The following ANKIB1 variants were observed in gnomAD, a reference collection of about 807,000 sequenced individuals.
The protein encoded by ANKIB1 is ankyrin repeat and IBR domain-containing protein 1.
ANKIB1 carries 43 observed loss-of-function variants against 122.1 expected under a neutral mutation model. The ratio of observed to expected loss-of-function variants is 0.35; its 90% confidence interval spans 0.28 to 0.45. The LOEUF is 0.45. Among genes scored for constraint, ANKIB1 ranks in the 20% least tolerant of loss-of-function variants. The probability of loss-of-function intolerance (pLI) is 1.00; values close to 1 mark genes in which losing one functional copy is unlikely to be tolerated. For synonymous variants in ANKIB1, 390 were observed against 442.0 expected (o/e 0.88, Z 1.48); for missense variants, 992 against 1,329.5 (o/e 0.75, Z 3.95).
chr7:92,246,391 A>G lies in ANKIB1; in HGVS notation c.-219A>G. The G allele has an allele frequency of 2.1e-6, 1 of 479,128 alleles. No individual in the cohort carries two copies. The allele number at this position is 479,128 out of a possible 1,614,324, so 29.7% of individuals were successfully genotyped here. On this transcript the variant is annotated 5_prime_UTR_variant, in exon 1 of 20. Coordinates refer to ENST00000265742, the MANE Select transcript of ANKIB1 (RefSeq NM_019004.2). ...CACCCGGGCCGGCGAGGAAGGGGCAACCGTCCGGGTGGGTGGGGCGGGCTG... is the reference window on the plus strand; with the variant it reads ...CACCCGGGCCGGCGAGGAAGGGGCAGCCGTCCGGGTGGGTGGGGCGGGCTG...
Position 92,343,138 on chromosome 7 carries a change from C to T in ANKIB1, c.902C>T (p.Thr301Met), listed in dbSNP as rs777436339. The T allele has an allele frequency of 6.2e-6, 10 of 1,613,878 alleles. No homozygotes were observed. Among genetic ancestry groups the T allele is most frequent in the Admixed American group, 1.7e-5 (1 of 60,018 alleles). The part of the protein sequence containing the change: ...PPPSGYNAWD[T>M]LPSPRTPRTT... ...CCAAGTGGGTATAATGCCTGGGACA[C>T]GCTCCCATCTCCAAGAACTCCAAGG... The change falls in exon 6 of 20, where the codon ACG (threonine) becomes ATG (methionine). Residue 301 changes from threonine to methionine, a missense_variant. Physicochemically the swap from Thr to Met is moderately conservative, Grantham distance 81. Coordinates refer to ENST00000265742, the MANE Select transcript of ANKIB1 (RefSeq NM_019004.2).
chr7:92,338,930 AAAAATATAT>A (rs1803362534), intron 5 of ANKIB1, among the ~76,000 whole-genome samples: 1 of 37,172 alleles, frequency 2.7e-5, no homozygotes, highest in Non-Finnish European at 5.6e-5. Flanking sequence ...AAAAAAAAAA[AAAAATATAT>A]ATATATATAT....
intron 10 of ANKIB1, among the ~76,000 whole-genome samples, chr7:92,364,262 G>T (rs989676449): frequency 2.2e-4 from 28 of 127,996 alleles, no homozygotes; most frequent in Non-Finnish European, 9.4e-5. Flanking sequence ...GCATTGAGCT[G>T]AATTGCCCCA....
intron 3 of ANKIB1, among the ~76,000 whole-genome samples, chr7:92,310,007 CATTGCTT>C (rs1802659268): frequency 6.9e-6 from 1 of 144,930 alleles, no homozygotes; most frequent in Non-Finnish European, 1.5e-5. Context: ...TCTCTATAAG[CATTGCTT>C]TAGTAGTTGT....
chr7:92,344,273 C>T lies in ANKIB1; in HGVS notation c.997-705C>T, dbSNP rs1453259646. 6.5e-5 allele frequency among the ~76,000 whole-genome samples: 9 copies of T among 137,448 alleles called. No individual in the cohort carries two copies. The South Asian group carries it at 1.9e-3, about 29-fold the overall frequency. The allele number at this position is 137,448 out of a possible 152,430, so 90.2% of individuals were successfully genotyped here. On this transcript the variant is annotated intron_variant, in intron 6 of 19. Transcript: ENST00000265742. Reference sequence around the variant, plus strand: ...AGGCTGGAGTGTAATGGCATGACCTCGGCTCCCTGCAACCTCCACCTCCCA... The same window carrying T: ...AGGCTGGAGTGTAATGGCATGACCTTGGCTCCCTGCAACCTCCACCTCCCA...
Position 92,319,443 on chromosome 7 carries a change from A to G in ANKIB1, c.600A>G (p.Gln200=), listed in dbSNP as rs1463540310. The change falls in exon 4 of 20, where the codon CAA becomes CAG. Residue 200 remains glutamine, a synonymous_variant. Coordinates refer to ENST00000265742, the MANE Select transcript of ANKIB1 (RefSeq NM_019004.2). Reference sequence around the variant, plus strand: ...ATTTGGCCCTCAATCTGGAATCTCAAATGGTATTCTCACGGGATCCCGAGG... The same window carrying G: ...ATTTGGCCCTCAATCTGGAATCTCAGATGGTATTCTCACGGGATCCCGAGG... ...HKDLALNLES[Q]MVFSRDPEAE... 18 of 1,613,502 alleles carry G rather than the reference A, an allele frequency of 1.1e-5. No homozygotes were observed. Among genetic ancestry groups the G allele is most frequent in the East Asian group, 2.2e-5 (1 of 44,862 alleles).
At chr7:92,260,736 C>T (rs1421195411) in intron 1 of ANKIB1, among the ~76,000 whole-genome samples, 1 of 150,568 alleles carries the variant, frequency 6.6e-6, no homozygotes, top group Non-Finnish European at 1.5e-5. Flanking sequence ...CCCTTTTAGA[C>T]ATTGCAGCAC....
In ANKIB1 at chr7:92,348,272, A is replaced by G. The variant is rs537897862; in HGVS notation, c.1086-2678A>G. 4.6e-5 allele frequency among the ~76,000 whole-genome samples: 7 copies of G among 152,302 alleles called. No individual in the cohort carries two copies. The East Asian group carries it at 1.3e-3, about 29-fold the overall frequency. On this transcript the variant is annotated intron_variant, in intron 7 of 19. Transcript: ENST00000265742. ...ATGTCTAAGCAAACTGTGAACTTTGACAAGGGACTATACAACTTCCCAGGG... is the reference window on the plus strand; with the variant it reads ...ATGTCTAAGCAAACTGTGAACTTTGGCAAGGGACTATACAACTTCCCAGGG...
Position 92,398,516 on chromosome 7 carries a change from G to T in ANKIB1, c.2837G>T (p.Arg946Ile). The change falls in exon 20 of 20, where the codon AGA becomes ATA. Residue 946 changes from arginine to isoleucine, a missense_variant. Physicochemically the swap from Arg to Ile is moderately conservative, Grantham distance 97. Around this residue, in one of 4 missense-constraint regions of ANKIB1, gnomAD observed 384 missense variants for 412.0 expected, o/e 0.93. Coordinates refer to ENST00000265742, the MANE Select transcript of ANKIB1 (RefSeq NM_019004.2). ...AGCTCACACCCTCTCAGTGAGGCAA[G>T]AAGTGATTTCTGTCCCTCATCTAGT... ...TLSSHPLSEA[R>I]SDFCPSSSDP... 1 of 1,613,982 alleles carries T rather than the reference G, an allele frequency of 6.2e-7. No individual in the cohort carries two copies. Among genetic ancestry groups the T allele is most frequent in the Non-Finnish European group, 8.5e-7 (1 of 1,179,878 alleles).
chr7:92,269,760 T>G (rs867268096), intron 1 of ANKIB1, among the ~76,000 whole-genome samples: 14 of 152,160 alleles, frequency 9.2e-5, no homozygotes, highest in African/African-American at 3.4e-4. Flanking sequence ...CAACTATCTC[T>G]TCTATAACTA....
chr7:92,248,402 G>A (rs1448535901), intron 1 of ANKIB1, among the ~76,000 whole-genome samples: 2 of 152,136 alleles, frequency 1.3e-5, no homozygotes, highest in African/African-American at 2.4e-5. Context: ...CAAAGAGTGG[G>A]TTTTCTTTCC....
At chr7:92,331,936 C>G (rs1354201090) in intron 5 of ANKIB1, among the ~76,000 whole-genome samples, 1 of 152,114 alleles carries the variant, frequency 6.6e-6, no homozygotes, top group Non-Finnish European at 1.5e-5. Flanking sequence ...ATAATTTCAC[C>G]ATAATTAAAA....
intron 5 of ANKIB1, among the ~76,000 whole-genome samples, chr7:92,340,902 G>A (rs1803423957): frequency 6.6e-6 from 1 of 152,140 alleles, no homozygotes; most frequent in South Asian, 2.1e-4. Context: ...TGAAGAAAAT[G>A]CAAATTAAAA....
chr7:92,293,751 C>T (rs1802296139), intron 1 of ANKIB1, among the ~76,000 whole-genome samples: 1 of 152,172 alleles, frequency 6.6e-6, no homozygotes, highest in African/African-American at 2.4e-5. Flanking sequence ...TAATCTAATG[C>T]TAGAGACTCT....
chr7:92,290,593 A>G (rs543681129), intron 1 of ANKIB1, among the ~76,000 whole-genome samples: 4 of 152,158 alleles, frequency 2.6e-5, no homozygotes, highest in Non-Finnish European at 5.9e-5. Flanking sequence ...ATACTTTTAT[A>G]TGGTTACTAT....
intron 1 of ANKIB1, among the ~76,000 whole-genome samples, chr7:92,288,099 C>G (rs1039373206): frequency 3.3e-5 from 5 of 149,504 alleles, no homozygotes; most frequent in African/African-American, 9.8e-5. Context: ...TTTAGACAAT[C>G]CCAAAAAATC....
rs780745065 is a variant in ANKIB1, at chr7:92,398,933, A to G, written c.3254A>G (p.Gln1085Arg). The G allele has an allele frequency of 1.3e-6, 2 of 1,580,628 alleles. No individual in the cohort carries two copies. Among genetic ancestry groups the G allele is most frequent in the South Asian group, 1.2e-5 (1 of 83,922 alleles). ...TPQTSSDWLE[Q>R]VHLV ...CAAACCTCAAGTGACTGGCTTGAAC[A>G]AGTACATTTAGTGTGAACTGCACAC... is the stretch of plus-strand genomic sequence containing the variant. The change falls in exon 20 of 20, where the codon CAA (glutamine) becomes CGA (arginine). Residue 1085 changes from glutamine to arginine, a missense_variant. Physicochemically the swap from Gln to Arg is conservative, Grantham distance 43. Around this residue, in one of 4 missense-constraint regions of ANKIB1, gnomAD observed 384 missense variants for 412.0 expected, o/e 0.93. Transcript: ENST00000265742.
intron 1 of ANKIB1, among the ~76,000 whole-genome samples, chr7:92,261,298 G>A (rs1801557658): frequency 6.8e-6 from 1 of 147,458 alleles, no homozygotes; most frequent in African/African-American, 2.5e-5. Context: ...GCAGTGAGCC[G>A]AGATCGCGCC....
chr7:92,317,672 G>C (rs1465338868), intron 3 of ANKIB1, among the ~76,000 whole-genome samples: 2 of 152,168 alleles, frequency 1.3e-5, no homozygotes, highest in Non-Finnish European at 2.9e-5. Context: ...TGTCAAGTTA[G>C]CCCATGGCTT....
Sources: gnomAD v4.1 joint callset for allele counts (sites outside exome capture counted in the v4.1 genomes callset) on GRCh38, gnomAD v4.1.1 for gene constraint, gnomAD v4.1.1 regional missense constraint, MANE v1.5 for transcripts, NCBI Gene and HGNC (gene_info 2026-07-23, HGNC 2026-07-21) for gene names.